Variants in MARK1 observed in about 807,000 individuals in gnomAD.
The protein encoded by MARK1 is microtubule affinity regulating kinase 1.
A neutral mutation model predicts 96.3 loss-of-function variants in MARK1; 40 were observed. The observed-to-expected ratio is 0.42, with a 90% CI of 0.32 to 0.54. The LOEUF is 0.54. Among genes scored for constraint, MARK1 ranks in the 20% least tolerant of loss-of-function variants. MARK1 has a pLI of 0.16. For synonymous variants in MARK1, 317 were observed against 341.2 expected, an observed-to-expected ratio of 0.93 and a Z score of 0.78; for missense variants, 719 against 984.6, an observed-to-expected ratio of 0.73 and a Z score of 3.61.
intron 1 of MARK1, among the ~76,000 whole-genome samples, chr1:220,538,885 A>G (rs1440804667): frequency 1.3e-5 from 2 of 149,294 alleles, no homozygotes; most frequent in African/African-American, 2.5e-5. Flanking sequence ...TTATTGGTGT[A>G]TAAGAATGCT....
At chr1:220,612,118 C>T (rs953196716) in intron 6 of MARK1, among the ~76,000 whole-genome samples, 11 of 152,188 alleles carry the variant, frequency 7.2e-5, no homozygotes, top group African/African-American at 2.4e-4. Flanking sequence ...TTCCAATTTG[C>T]GTTAAATATT....
At chr1:220,595,354 ACGC>A (rs1665264346) in intron 3 of MARK1, among the ~76,000 whole-genome samples, 1 of 152,214 alleles carries the variant, frequency 6.6e-6, no homozygotes, top group African/African-American at 2.4e-5. Flanking sequence ...AATCAGTAGC[ACGC>A]TAATAGCTAA....
chr1:220,641,918 A>G (rs1668293188), intron 13 of MARK1, among the ~76,000 whole-genome samples: 3 of 152,164 alleles, frequency 2.0e-5, no homozygotes, highest in Non-Finnish European at 2.9e-5. Context: ...CAACTCATGG[A>G]TCGGGAGATT....
chr1:220,548,479 C>G lies in MARK1; in HGVS notation c.51+19606C>G, dbSNP rs556640781. ...ATCGGGTTGGGCACGGTGGCTCACA[C>G]CTGTAATCCCAGCACTTCGGGAGGC... is the stretch of plus-strand genomic sequence containing the variant. On this transcript the variant is annotated intron_variant, in intron 1 of 17. Transcript: ENST00000366917. Among the ~76,000 whole-genome samples, 13 of 152,264 alleles carry G rather than the reference C, an allele frequency of 8.5e-5. 1 individual carries two copies. The South Asian group carries it at 2.7e-3, about 32-fold the overall frequency.
chr1:220,553,727 A>T (rs1415837376), intron 1 of MARK1, among the ~76,000 whole-genome samples: 4 of 152,150 alleles, frequency 2.6e-5, no homozygotes. Flanking sequence ...GTAAGCTACT[A>T]GCTGCTTCCT....
intron 1 of MARK1, among the ~76,000 whole-genome samples, chr1:220,556,494 A>AC (rs1553316258): frequency 2.0e-5 from 3 of 147,338 alleles, no homozygotes; most frequent in Non-Finnish European, 4.5e-5. Context: ...ACAAAAAAAA[A>AC]AAAAAAAAAA....
intron 1 of MARK1, among the ~76,000 whole-genome samples, chr1:220,568,739 A>G (rs934391624): frequency 6.6e-6 from 1 of 152,160 alleles, no homozygotes; most frequent in Non-Finnish European, 1.5e-5. Flanking sequence ...AAGCATGTGC[A>G]TGGAGGCACA....
In MARK1 at chr1:220,658,648, G is replaced by A. The variant is rs1335202905; in HGVS notation, c.2033+814G>A. Reference sequence around the variant, plus strand: ...CAACAAGTATTCCACAGTATGAAAGGCTCTGGCTTCATTCAGGAACGATTG... The same window carrying A: ...CAACAAGTATTCCACAGTATGAAAGACTCTGGCTTCATTCAGGAACGATTG... On this transcript the variant is annotated intron_variant, in intron 17 of 17. Transcript: ENST00000366917. Among the ~76,000 whole-genome samples, 3 of 152,150 alleles carry A rather than the reference G, an allele frequency of 2.0e-5. No homozygotes were observed. The East Asian group carries it at 5.8e-4, about 29-fold the overall frequency.
At chr1:220,578,871 C>T (rs1431607756) in intron 1 of MARK1, among the ~76,000 whole-genome samples, 1 of 152,086 alleles carries the variant, frequency 6.6e-6, no homozygotes, top group Non-Finnish European at 1.5e-5. Context: ...GAGATGGAGT[C>T]CCGCTCTGTC....
intron 1 of MARK1, among the ~76,000 whole-genome samples, chr1:220,559,980 A>G (rs1662551187): frequency 6.6e-6 from 1 of 152,158 alleles, no homozygotes; most frequent in African/African-American, 2.4e-5. Context: ...GGTGATTTAT[A>G]AGGAGAAAGA....
chr1:220,546,242 T>C (rs984778062), intron 1 of MARK1, among the ~76,000 whole-genome samples: 1 of 152,216 alleles, frequency 6.6e-6, no homozygotes, highest in Non-Finnish European at 1.5e-5. Flanking sequence ...CTTATAGTTT[T>C]AACAAACATC....
chr1:220,536,634 C>A (rs1465189488), intron 1 of MARK1, among the ~76,000 whole-genome samples: 1 of 151,910 alleles, frequency 6.6e-6, no homozygotes, highest in East Asian at 1.9e-4. Context: ...CAGCTCACTG[C>A]AACCTCCACC....
At chr1:220,575,373 A>G (rs1663761643) in intron 1 of MARK1, among the ~76,000 whole-genome samples, 1 of 152,202 alleles carries the variant, frequency 6.6e-6, no homozygotes, top group Non-Finnish European at 1.5e-5. Context: ...AATTTCTTCT[A>G]TTTAACAGCC....
At chr1:220,589,666 T>A (rs1260845788) in intron 3 of MARK1, among the ~76,000 whole-genome samples, 1 of 152,194 alleles carries the variant, frequency 6.6e-6, no homozygotes, top group Non-Finnish European at 1.5e-5. Flanking sequence ...TAGCAAACTC[T>A]GGCCTTAATT....
chr1:220,651,156 T>C (rs745450722), intron 14 of MARK1, among the ~76,000 whole-genome samples: 7 of 152,318 alleles, frequency 4.6e-5, no homozygotes, highest in Non-Finnish European at 8.8e-5. Flanking sequence ...CAGAACCACA[T>C]AATTTTTAAA....
intron 1 of MARK1, among the ~76,000 whole-genome samples, chr1:220,540,709 ATTT>A (rs1270663896): frequency 5.4e-5 from 5 of 93,034 alleles, no homozygotes; most frequent in African/African-American, 1.4e-4. Context: ...TTCTGATTTT[ATTT>A]GAGTCCTATC....
chr1:220,574,491 C>T (rs970940252), intron 1 of MARK1, among the ~76,000 whole-genome samples: 3 of 152,072 alleles, frequency 2.0e-5, no homozygotes, highest in Non-Finnish European at 4.4e-5. Context: ...CCTTTTTAGC[C>T]GAGAAAACTG....
intron 1 of MARK1, among the ~76,000 whole-genome samples, chr1:220,566,926 A>G (rs1277059819): frequency 6.6e-6 from 1 of 152,132 alleles, no homozygotes; most frequent in Non-Finnish European, 1.5e-5. Context: ...ACTACTTAAT[A>G]GTCTTTTGTT....
At chr1:220,624,624 T>C (rs1667222819) in intron 9 of MARK1, among the ~76,000 whole-genome samples, 1 of 151,402 alleles carries the variant, frequency 6.6e-6, no homozygotes, top group East Asian at 1.9e-4. Context: ...AAGTTTTAGA[T>C]TTCATAAGTA....
Sources: allele counts gnomAD v4.1 joint callset (sites outside exome capture counted in the v4.1 genomes callset), GRCh38; gene constraint gnomAD v4.1.1; transcripts MANE v1.5; gene names NCBI Gene and HGNC (gene_info 2026-07-23, HGNC 2026-07-21).